TEC: variants seen among roughly 807,000 people sequenced by gnomAD.
The protein encoded by TEC is tyrosine-protein kinase Tec.
In TEC, 72 loss-of-function variants were observed where a neutral mutation model predicts 93.0. The observed-to-expected ratio is 0.77, with a 90% confidence interval of 0.64 to 0.94. The LOEUF (loss-of-function observed/expected upper bound fraction) is 0.94, where lower values mean the gene tolerates loss of function less well. TEC is among the 40% of genes least tolerant of loss of function. The probability of loss-of-function intolerance (pLI) is 0.00; values close to 1 mark genes in which losing one functional copy is unlikely to be tolerated. For synonymous variants in TEC, 249 were observed against 247.7 expected, an observed-to-expected ratio of 1.01 and a Z score of -0.05; for missense variants, 630 against 757.9, an observed-to-expected ratio of 0.83 and a Z score of 1.98.
intron 1 of TEC, among the ~76,000 whole-genome samples, chr4:48,229,504 T>C (rs1402974485): frequency 1.3e-5 from 2 of 152,254 alleles, no homozygotes; most frequent in Non-Finnish European, 2.9e-5. Flanking sequence ...AAGAAGTAAC[T>C]GTGGCTGGGC....
chr4:48,232,680 T>C (rs563666665), intron 1 of TEC, among the ~76,000 whole-genome samples: 407 of 152,362 alleles, frequency 2.7e-3, no homozygotes, highest in Admixed American at 8.0e-3. Flanking sequence ...TCACATTGGC[T>C]CCTTCCTGAA....
Position 48,136,742 on chromosome 4 carries a change from G to C in TEC, c.*674C>G, listed in dbSNP as rs1412721442. 1 of 152,040 alleles carries C rather than the reference G, an allele frequency of 6.6e-6. No individual in the cohort carries two copies. Among genetic ancestry groups the C allele is most frequent in the East Asian group, 1.9e-4 (1 of 5,198 alleles). 9.4% of individuals were successfully genotyped at this position (152,040 alleles called of 1,614,324 possible). A position where few individuals can be genotyped will look rare whatever the true frequency, so the allele number is the denominator to read the frequency against. On this transcript the variant is annotated 3_prime_UTR_variant, in exon 18 of 18. Transcript: ENST00000381501. ...TAACAGCTATAAGGCACAGTCTCTAGTCCTAAGAAGGTGAACTCCTATACT... is the reference window on the plus strand; with the variant it reads ...TAACAGCTATAAGGCACAGTCTCTACTCCTAAGAAGGTGAACTCCTATACT...
intron 2 of TEC, among the ~76,000 whole-genome samples, chr4:48,211,388 T>TA (rs908408682): frequency 3.0e-4 from 44 of 147,140 alleles, no homozygotes; most frequent in African/African-American, 1.1e-3. Context: ...AGTCTGAAAA[T>TA]AAAAAAATCA....
At chr4:48,143,899 ATGTC>A (rs1412304750) in intron 14 of TEC, among the ~76,000 whole-genome samples, 6 of 152,194 alleles carry the variant, frequency 3.9e-5, no homozygotes, top group African/African-American at 1.4e-4. Context: ...TATCAGAACA[ATGTC>A]TGTCTAAGGT....
chr4:48,242,903 T>TA (rs1194189045), intron 1 of TEC, among the ~76,000 whole-genome samples: 1 of 152,178 alleles, frequency 6.6e-6, no homozygotes, highest in Non-Finnish European at 1.5e-5. Flanking sequence ...GGACCAAACT[T>TA]ACAAACTCTG....
intron 1 of TEC, among the ~76,000 whole-genome samples, chr4:48,247,562 A>G (rs193267075): frequency 1.6e-3 from 250 of 152,342 alleles, no homozygotes; most frequent in Non-Finnish European, 3.1e-3. Flanking sequence ...TCTACCCTAA[A>G]AAGGAATGAA....
chr4:48,161,324 C>T (rs1246747158), intron 8 of TEC, among the ~76,000 whole-genome samples: 1 of 149,758 alleles, frequency 6.7e-6, no homozygotes, highest in African/African-American at 2.6e-5. Flanking sequence ...CCTAAGGGCG[C>T]TTTCATTTCT....
chr4:48,252,129 C>T (rs1018190866), intron 1 of TEC, among the ~76,000 whole-genome samples: 65 of 152,290 alleles, frequency 4.3e-4, no homozygotes, highest in African/African-American at 1.4e-3. Context: ...TGTATAAACA[C>T]CGACAATTAC....
chr4:48,186,693 GC>G (rs1267019132), intron 2 of TEC, among the ~76,000 whole-genome samples: 2 of 150,594 alleles, frequency 1.3e-5, no homozygotes, highest in Non-Finnish European at 3.0e-5. Flanking sequence ...GAGCCCCTCC[GC>G]CCGGCAGCCG....
intron 2 of TEC, among the ~76,000 whole-genome samples, chr4:48,197,957 C>T (rs1193368889): frequency 6.6e-6 from 1 of 152,226 alleles, no homozygotes; most frequent in African/African-American, 2.4e-5. Context: ...AGTGACCCCA[C>T]ACCCTACCCC....
intron 11 of TEC, among the ~76,000 whole-genome samples, chr4:48,147,704 T>G (rs1485629422): frequency 6.6e-6 from 1 of 152,204 alleles, no homozygotes; most frequent in African/African-American, 2.4e-5. Context: ...TTATACTCAA[T>G]TTGAAACTGT....
In TEC at chr4:48,186,880, G is replaced by A. The variant is rs551047455; in HGVS notation, c.139-10694C>T. Among the ~76,000 whole-genome samples, 983 of 152,282 alleles carry A rather than the reference G, an allele frequency of 6.5e-3. 7 individuals are homozygous for A. Among genetic ancestry groups the A allele is most frequent in the Middle Eastern group, 0.024 (7 of 294 alleles). ...GGGGGCGCCTCTGCCCGGCCGCCCC[G>A]TCTGGGAAGTGAGGAGCCCCTCTGC... On this transcript the variant is annotated intron_variant, in intron 2 of 17. Transcript: ENST00000381501.
intron 1 of TEC, among the ~76,000 whole-genome samples, chr4:48,246,001 C>T (rs1346579294): frequency 2.0e-5 from 3 of 151,952 alleles, no homozygotes; most frequent in East Asian, 1.9e-4. Context: ...CCCAGCTACT[C>T]GGGAGGCTGT....
At chr4:48,231,643 G>C (rs1171535932) in intron 1 of TEC, among the ~76,000 whole-genome samples, 1 of 152,102 alleles carries the variant, frequency 6.6e-6, no homozygotes, top group Non-Finnish European at 1.5e-5. Flanking sequence ...TGTAGTCCCA[G>C]CTACTCGGGA....
intron 1 of TEC, among the ~76,000 whole-genome samples, chr4:48,231,755 T>G (rs1723653907): frequency 6.6e-6 from 1 of 151,774 alleles, no homozygotes; most frequent in African/African-American, 2.4e-5. Flanking sequence ...AGACTCCGTC[T>G]GAAAAAAAAA....
At chr4:48,156,493 AT>A (rs1463031968) in intron 9 of TEC, among the ~76,000 whole-genome samples, 186 bp downstream of exon 9, 1 of 152,108 alleles carries the variant, frequency 6.6e-6, no homozygotes, top group African/African-American at 2.4e-5. Flanking sequence ...TTAAATATTT[AT>A]TTCTAGAAAC....
Position 48,156,737 on chromosome 4 carries a change from G to T in TEC, c.738-3C>A. 1 of 1,603,668 alleles carries T rather than the reference G, an allele frequency of 6.2e-7. No homozygotes were observed. The highest frequency in any genetic ancestry group is 8.5e-7 in the Non-Finnish European group (1 of 1,176,714). ...TATTCATATTTCTGCAATACCATCT[G>T]AACAGAAAAAACAATACATTTCAGG... On this transcript the variant is annotated splice_region_variant and splice_polypyrimidine_tract_variant and intron_variant, in intron 8 of 17. Transcript: ENST00000381501.
intron 5 of TEC, among the ~76,000 whole-genome samples, chr4:48,169,239 C>T (rs1020005114): frequency 1.8e-4 from 28 of 152,204 alleles, no homozygotes; most frequent in Admixed American, 4.6e-4. Flanking sequence ...CCCCCAGCCC[C>T]GGGTCACCCA....
intron 1 of TEC, among the ~76,000 whole-genome samples, chr4:48,265,426 T>TAC (rs1218496661): frequency 2.4e-5 from 3 of 123,290 alleles, no homozygotes; most frequent in East Asian, 2.4e-4. Context: ...CACATATATA[T>TAC]ACACACACAC....
Sources: gnomAD v4.1 joint callset for allele counts (sites outside exome capture counted in the v4.1 genomes callset) on GRCh38, gnomAD v4.1.1 for gene constraint, MANE v1.5 for transcripts, NCBI Gene and HGNC (gene_info 2026-07-23, HGNC 2026-07-21) for gene names.